Variants in SMAP2 observed in about 807,000 individuals in gnomAD.
SMAP2 encodes the protein stromal membrane-associated protein 2.
Under a neutral mutation model 56.4 loss-of-function variants are expected in SMAP2, and 25 were observed. The ratio of observed to expected loss-of-function variants is 0.44; its 90% CI spans 0.32 to 0.62. The LOEUF is 0.62. SMAP2 is among the 20% of genes least tolerant of loss of function. The pLI, the probability that SMAP2 is intolerant of heterozygous loss-of-function variation, is 0.04. For synonymous variants in SMAP2, 157 were observed against 181.7 expected, an observed-to-expected ratio of 0.86 and a Z score of 1.09; for missense variants, 388 against 545.6, an observed-to-expected ratio of 0.71 and a Z score of 2.88.
chr1:40,408,793 A>AT lies in SMAP2; in HGVS notation c.323+55_323+56insT. On this transcript the variant is annotated intron_variant, in intron 3 of 9. Transcript: ENST00000372718. This position sits in a 1 kb window ranked among gnomAD's most constrained non-coding sequence, Gnocchi z 4.3. ...GAGTGGTATTTTGATGCTTGGGGAG[A>AT]GTCAGACAAGACTCCAGTCCTGTAA... 1 of 1,409,418 alleles carries AT rather than the reference A, an allele frequency of 7.1e-7. No homozygotes were observed. Among genetic ancestry groups the AT allele is most frequent in the South Asian group, 1.2e-5 (1 of 86,676 alleles). 87.3% of individuals were successfully genotyped at this position (1,409,418 alleles called of 1,614,324 possible).
In SMAP2 at chr1:40,416,671, G is replaced by A. The variant is rs755715536; in HGVS notation, c.848-109G>A. The A allele has an allele frequency of 1.6e-4, 185 of 1,131,834 alleles. 1 individual carries two copies. The highest frequency in any genetic ancestry group is 2.4e-5 in the Non-Finnish European group (19 of 797,914). 70.1% of individuals were successfully genotyped at this position (1,131,834 alleles called of 1,614,324 possible). A position where few individuals can be genotyped will look rare whatever the true frequency, so the allele number is the denominator to read the frequency against. ...CTTTGCTGTGTAAAGAGCATTGTGA[G>A]TAGAGTAATCCTGAGAAATTCCAGC... On this transcript the variant is annotated intron_variant, in intron 8 of 9. Transcript: ENST00000372718.
rs767031459 is a variant in SMAP2, at chr1:40,409,826, T to G, written c.393T>G (p.Asn131Lys). The change falls in exon 4 of 10, where the codon AAT becomes AAG. Residue 131 changes from asparagine (N) to lysine (K), a missense_variant. By Grantham distance (94) the Asn-to-Lys change is moderately conservative. Transcript: ENST00000372718. Reference protein sequence around the residue: ...KKYMDRSLDINAFRKEKDDKW... With the variant: ...KKYMDRSLDIKAFRKEKDDKW... Reference sequence around the variant, plus strand: ...ACATGGACCGAAGTCTGGACATCAATGCCTTTAGGGTTGGTTATACATCTT... The same window carrying G: ...ACATGGACCGAAGTCTGGACATCAAGGCCTTTAGGGTTGGTTATACATCTT... The G allele has an allele frequency of 6.2e-7, 1 of 1,608,652 alleles. No homozygotes were observed. The highest frequency in any genetic ancestry group is 2.2e-5 in the East Asian group (1 of 44,874).
chr1:40,410,753 A>G (rs1644927742), intron 4 of SMAP2, among the ~76,000 whole-genome samples: 1 of 152,212 alleles, frequency 6.6e-6, no homozygotes, highest in Admixed American at 6.5e-5. Context: ...AGGGGGACAG[A>G]CAGCATGATT....
chr1:40,381,204 G>A (rs1644594622), intron 1 of SMAP2, among the ~76,000 whole-genome samples: 1 of 152,194 alleles, frequency 6.6e-6, no homozygotes, highest in African/African-American at 2.4e-5. Context: ...TTCAGAAAAT[G>A]TTTCTTAAGC....
chr1:40,406,395 A>G (rs1644886517), intron 1 of SMAP2, among the ~76,000 whole-genome samples: 1 of 152,224 alleles, frequency 6.6e-6, no homozygotes, highest in Admixed American at 6.5e-5. Context: ...TAAAAAGTAG[A>G]TTCATAGTTG....
intron 1 of SMAP2, among the ~76,000 whole-genome samples, chr1:40,403,459 C>T (rs1644855842): frequency 6.6e-6 from 1 of 152,160 alleles, no homozygotes; most frequent in South Asian, 2.1e-4. Flanking sequence ...GAGCCAAAAT[C>T]ACGCCGCTGC....
intron 1 of SMAP2, among the ~76,000 whole-genome samples, chr1:40,353,379 T>C (rs1644418203): frequency 6.6e-6 from 1 of 152,110 alleles, no homozygotes. Flanking sequence ...GGCTTCTTTA[T>C]TTTTTTGAGA....
At chr1:40,362,928 G>A (rs746375997) in intron 2 of SMAP2, among the ~76,000 whole-genome samples, 5 of 152,104 alleles carry the variant, frequency 3.3e-5, no homozygotes, top group Non-Finnish European at 7.3e-5. Context: ...GATGGACAGC[G>A]CCAAGAATAA....
At chr1:40,351,483 G>T (rs577231303) in intron 1 of SMAP2, among the ~76,000 whole-genome samples, 51 of 152,216 alleles carry the variant, frequency 3.4e-4, no homozygotes, top group Middle Eastern at 3.4e-3. Context: ...ACTCCTTAAA[G>T]AAATGATTCT....
At position 40,415,254 on chromosome 1, in the gene SMAP2, T is replaced by G. The variant is rs1644975514; in HGVS notation, c.572-18T>G. 1 of 1,588,254 alleles carries G rather than the reference T, an allele frequency of 6.3e-7. No homozygotes were observed. Among genetic ancestry groups the G allele is most frequent in the African/African-American group, 1.3e-5 (1 of 74,506 alleles). ...TTAATAAGCAGTGCTGCATCTTAACTTCGATCTCTCTTTCTAGATGCTCCT... is the reference window on the plus strand; with the variant it reads ...TTAATAAGCAGTGCTGCATCTTAACGTCGATCTCTCTTTCTAGATGCTCCT... On this transcript the variant is annotated intron_variant, in intron 6 of 9. Coordinates refer to ENST00000372718, the MANE Select transcript of SMAP2 (RefSeq NM_022733.3).
chr1:40,390,682 A>G (rs1644706783), intron 1 of SMAP2, among the ~76,000 whole-genome samples: 1 of 152,180 alleles, frequency 6.6e-6, no homozygotes, highest in South Asian at 2.1e-4. Flanking sequence ...AGTGACCATT[A>G]TTGAGCATTT....
upstream of SMAP2, among the ~76,000 whole-genome samples, chr1:40,373,043 A>G (rs781374766): frequency 1.3e-5 from 2 of 152,208 alleles, no homozygotes; most frequent in Non-Finnish European, 2.9e-5. Flanking sequence ...TGCTTTAATC[A>G]CTGTCCCCCA....
intron 1 of SMAP2, among the ~76,000 whole-genome samples, chr1:40,360,004 CTTTTTTTTTTTT>C (rs775408458): frequency 4.9e-5 from 5 of 102,484 alleles, no homozygotes; most frequent in African/African-American, 1.2e-4. Context: ...CTTCTTCTTT[CTTTTTTTTTTTT>C]TTTTTTTTGA....
intron 1 of SMAP2, among the ~76,000 whole-genome samples, chr1:40,392,545 C>T (rs1311853107): frequency 6.6e-6 from 1 of 152,060 alleles, no homozygotes; most frequent in Non-Finnish European, 1.5e-5. Flanking sequence ...TTGTGTCCTC[C>T]CTCCCCTATT....
In SMAP2 at chr1:40,408,840, T is replaced by G. The variant is rs1047195246; in HGVS notation, c.323+102T>G. 1 of 876,132 alleles carries G rather than the reference T, an allele frequency of 1.1e-6. No individual in the cohort carries two copies. Among genetic ancestry groups the G allele is most frequent in the Admixed American group, 2.0e-5 (1 of 50,062 alleles). 54.3% of individuals were successfully genotyped at this position (876,132 alleles called of 1,614,324 possible). ...GTAATGTGACTGGGTCATCTCTATG[T>G]GGATTAGTCAGTGTCCTTGCTTGTC... On this transcript the variant is annotated intron_variant, in intron 3 of 9. Coordinates refer to ENST00000372718, the MANE Select transcript of SMAP2 (RefSeq NM_022733.3). The surrounding 1 kb of genome is among the most constrained non-coding windows in gnomAD (Gnocchi z 4.3).
At chr1:40,348,099 C>T (rs1237140496) in intron 1 of SMAP2, among the ~76,000 whole-genome samples, 3 of 152,020 alleles carry the variant, frequency 2.0e-5, no homozygotes, top group Non-Finnish European at 4.4e-5. Flanking sequence ...GAGTTCAAGA[C>T]CAGCCTGGGC....
intron 7 of SMAP2, 37 bp downstream of exon 7, chr1:40,415,418 C>A: frequency 2.3e-6 from 3 of 1,310,558 alleles, no homozygotes; most frequent in Non-Finnish European, 3.3e-6. Flanking sequence ...AAAGAACATT[C>A]TGAAATGGGT....
intron 1 of SMAP2, among the ~76,000 whole-genome samples, chr1:40,384,070 G>A (rs1004022532): frequency 1.3e-5 from 2 of 152,054 alleles, no homozygotes; most frequent in African/African-American, 4.8e-5. Flanking sequence ...CTAATTATTT[G>A]TATTTTTAGT....
intron 1 of SMAP2, among the ~76,000 whole-genome samples, chr1:40,404,194 T>C (rs1039468680): frequency 1.3e-5 from 2 of 152,226 alleles, no homozygotes; most frequent in Non-Finnish European, 2.9e-5. Flanking sequence ...TTTTCTCTAA[T>C]TTCAGAATAT....
Sources: gnomAD v4.1 joint callset for allele counts (sites outside exome capture counted in the v4.1 genomes callset) on GRCh38, gnomAD v4.1.1 for gene constraint, Gnocchi (gnomAD v3.1) non-coding constraint, MANE v1.5 for transcripts, NCBI Gene and HGNC (gene_info 2026-07-23, HGNC 2026-07-21) for gene names.